The following ADCY5 variants were observed in gnomAD, a reference collection of about 807,000 sequenced individuals.
ADCY5 encodes the protein adenylate cyclase type 5.
Under a neutral mutation model 119.7 loss-of-function variants are expected in ADCY5, and 30 were observed. That is an observed-to-expected ratio of 0.25 (90% CI 0.19 to 0.34). The LOEUF (loss-of-function observed/expected upper bound fraction) is 0.34. Among genes scored for constraint, ADCY5 ranks in the 10% least tolerant of loss-of-function variants. ADCY5 has a pLI of 1.00. For synonymous variants in ADCY5, 753 were observed against 762.2 expected (o/e 0.99, Z 0.20); for missense variants, 1,324 against 1,775.2 (o/e 0.75, Z 4.57).
chr3:123,319,349 G>A (rs1281020689), intron 10 of ADCY5, among the ~76,000 whole-genome samples: 4 of 93,314 alleles, frequency 4.3e-5, no homozygotes, highest in Admixed American at 2.6e-4. Context: ...GTGAAACTCC[G>A]TCTCAAAAAA....
chr3:123,336,916 C>T (rs1451518397), intron 3 of ADCY5, among the ~76,000 whole-genome samples: 1 of 152,156 alleles, frequency 6.6e-6, no homozygotes. Context: ...CTGGAGAGGC[C>T]CCCTACCCCC....
intron 19 of ADCY5, among the ~76,000 whole-genome samples, chr3:123,287,309 G>C (rs1938843960): frequency 6.6e-6 from 1 of 152,134 alleles, no homozygotes; most frequent in African/African-American, 2.4e-5. Flanking sequence ...CACCACTTCG[G>C]CTCTCCTCTG....
chr3:123,444,850 T>A (rs139064672), intron 1 of ADCY5, among the ~76,000 whole-genome samples: 436 of 152,248 alleles, frequency 2.9e-3, no homozygotes, highest in South Asian at 5.6e-3. Flanking sequence ...TGCCACCCAT[T>A]TCCCTGGACA....
intron 5 of ADCY5, 104 bp from the exon 6 acceptor site, chr3:123,328,906 G>A (rs1482732273): frequency 8.3e-7 from 1 of 1,210,006 alleles, no homozygotes; most frequent in African/African-American, 1.5e-5. Flanking sequence ...GGGGGTCAAA[G>A]AGTCTTCTCT....
Position 123,428,363 on chromosome 3 carries a change from C to T in ADCY5, c.1134+19049G>A, listed in dbSNP as rs186832361. On this transcript the variant is annotated intron_variant, in intron 1 of 20. Coordinates refer to ENST00000462833, the MANE Select transcript of ADCY5 (RefSeq NM_183357.3). ...TAACAATTGGTGTCCCTGCAGTCACCTGAAAATCCCTTTGTCTGCCTCCTC... is the reference window on the plus strand; with the variant it reads ...TAACAATTGGTGTCCCTGCAGTCACTTGAAAATCCCTTTGTCTGCCTCCTC... Among the ~76,000 whole-genome samples, 404 of 152,334 alleles carry T rather than the reference C, an allele frequency of 2.7e-3. 1 individual carries two copies. The highest frequency in any genetic ancestry group is 4.0e-3 in the Non-Finnish European group (272 of 68,020).
intron 1 of ADCY5, among the ~76,000 whole-genome samples, chr3:123,421,000 T>C (rs1015944414): frequency 1.1e-4 from 16 of 152,148 alleles, no homozygotes; most frequent in African/African-American, 3.9e-4. Context: ...TGTGTCCAAA[T>C]TTCCCCTTTT....
At chr3:123,380,288 G>A (rs1576643856) in intron 1 of ADCY5, among the ~76,000 whole-genome samples, 2 of 152,192 alleles carry the variant, frequency 1.3e-5, no homozygotes, top group African/African-American at 4.8e-5. Context: ...AGGGGAAAGT[G>A]ACCACCAGGC....
At chr3:123,342,770 T>C (rs1454747295) in intron 3 of ADCY5, among the ~76,000 whole-genome samples, 1 of 152,142 alleles carries the variant, frequency 6.6e-6, no homozygotes, top group Non-Finnish European at 1.5e-5. Flanking sequence ...TCATCCACAG[T>C]AAGAAGGAGC....
chr3:123,289,676 G>C lies in ADCY5; in HGVS notation c.3532+74C>G, dbSNP rs905458049. The C allele has an allele frequency of 3.3e-6, 5 of 1,537,924 alleles. No individual in the cohort carries two copies. The African/African-American group carries it at 4.1e-5, about 13-fold the overall frequency. On this transcript the variant is annotated intron_variant, in intron 19 of 20. Transcript: ENST00000462833. ...GGACCACAATGGCGGATGCGGTATG[G>C]GGTATGGGGGAGCCCCTGCCAGCCC... is the stretch of plus-strand genomic sequence containing the variant.
At chr3:123,351,544 C>T (rs1267029015) in intron 2 of ADCY5, among the ~76,000 whole-genome samples, 1 of 152,164 alleles carries the variant, frequency 6.6e-6, no homozygotes. Flanking sequence ...GGAAGGCCTC[C>T]GGTTTGGAGC....
At chr3:123,428,053 C>A (rs1945448387) in intron 1 of ADCY5, among the ~76,000 whole-genome samples, 2 of 152,224 alleles carry the variant, frequency 1.3e-5, no homozygotes. Flanking sequence ...GATCAACGGA[C>A]AGGGACCCAT....
intron 1 of ADCY5, among the ~76,000 whole-genome samples, chr3:123,433,618 C>A (rs1377199804): frequency 1.3e-5 from 2 of 152,150 alleles, no homozygotes; most frequent in Admixed American, 6.5e-5. Flanking sequence ...TGCTGGGGAA[C>A]TGGGCTTTAG....
intron 2 of ADCY5, among the ~76,000 whole-genome samples, chr3:123,348,631 T>C (rs566332576): frequency 1.3e-5 from 2 of 152,102 alleles, no homozygotes; most frequent in Admixed American, 6.5e-5. Flanking sequence ...AGAGAAACCA[T>C]GTCACAACCA....
chr3:123,298,156 C>A (rs1211673079), intron 15 of ADCY5, among the ~76,000 whole-genome samples: 1 of 152,168 alleles, frequency 6.6e-6, no homozygotes, highest in East Asian at 1.9e-4. Context: ...CATGCCACCA[C>A]ACCTGGCTAA....
At chr3:123,432,723 T>C (rs867289541) in intron 1 of ADCY5, among the ~76,000 whole-genome samples, 2 of 152,110 alleles carry the variant, frequency 1.3e-5, no homozygotes, top group South Asian at 2.1e-4. Context: ...AACAGGGACT[T>C]GCTATGTAGC....
intron 12 of ADCY5, among the ~76,000 whole-genome samples, chr3:123,307,963 T>C (rs922321763): frequency 1.3e-5 from 2 of 150,710 alleles, no homozygotes; most frequent in African/African-American, 2.4e-5. Flanking sequence ...AATGACTGAG[T>C]GTGCACTGGC....
In ADCY5 at chr3:123,352,732, A is replaced by G; in HGVS notation, c.1135-151T>C. On this transcript the variant is annotated intron_variant, in intron 1 of 20. Coordinates refer to ENST00000462833, the MANE Select transcript of ADCY5 (RefSeq NM_183357.3). This position sits in a 1 kb window ranked among gnomAD's most constrained non-coding sequence, Gnocchi z 4.8. ...CCACACGCGGCCAACCACTGTGAGC[A>G]GCCGAGCATAATCGATCGGGCTCTC... The G allele has an allele frequency of 1.1e-6, 1 of 911,468 alleles. No homozygotes were observed. Among genetic ancestry groups the G allele is most frequent in the Non-Finnish European group, 1.6e-6 (1 of 624,568 alleles). The allele number at this position is 911,468 out of a possible 1,614,324, so 56.5% of individuals were successfully genotyped here. A position where few individuals can be genotyped will look rare whatever the true frequency, so the allele number is the denominator to read the frequency against.
chr3:123,311,666 T>G (rs1001727651), intron 12 of ADCY5, among the ~76,000 whole-genome samples: 2 of 152,176 alleles, frequency 1.3e-5, no homozygotes, highest in African/African-American at 4.8e-5. Context: ...TGGAGTCTAT[T>G]CAATGGATGG....
intron 1 of ADCY5, among the ~76,000 whole-genome samples, chr3:123,359,329 AAAATATAT>A (rs1001878147): frequency 2.1e-4 from 4 of 18,798 alleles, no homozygotes; most frequent in Non-Finnish European, 3.1e-4. Flanking sequence ...TACTTATACT[AAAATATAT>A]ATATATATAT....
Sources: allele counts gnomAD v4.1 joint callset (sites outside exome capture counted in the v4.1 genomes callset), GRCh38; gene constraint gnomAD v4.1.1; non-coding constraint Gnocchi (gnomAD v3.1); transcripts MANE v1.5; gene names NCBI Gene and HGNC (gene_info 2026-07-23, HGNC 2026-07-21).